RSPO4: variants seen among roughly 807,000 people sequenced by gnomAD.
RSPO4 encodes R-spondin 4, also known as R-spondin-4.
Under a neutral mutation model 24.8 loss-of-function variants are expected in RSPO4, and 23 were observed. The ratio of observed to expected loss-of-function variants is 0.93; its 90% CI spans 0.67 to 1.31. The LOEUF (loss-of-function observed/expected upper bound fraction) is 1.31. RSPO4 is among the 40% of genes most tolerant of loss of function. The pLI, the probability that RSPO4 is intolerant of heterozygous loss-of-function variation, is 0.00. For synonymous variants in RSPO4, 141 were observed against 127.4 expected, an observed-to-expected ratio of 1.11 and a Z score of -0.72; for missense variants, 333 against 316.5, an observed-to-expected ratio of 1.05 and a Z score of -0.39.
chr20:980,219 C>A (rs1375919039), intron 1 of RSPO4, among the ~76,000 whole-genome samples: 1 of 152,090 alleles, frequency 6.6e-6, no homozygotes, highest in Non-Finnish European at 1.5e-5. Context: ...TGACTCTGAA[C>A]CTGAGGGTTA....
At chr20:960,578 C>T (rs1983960755) in intron 4 of RSPO4, 112 bp from the exon 5 acceptor site, 11 of 786,716 alleles carry the variant, frequency 1.4e-5, no homozygotes, top group Non-Finnish European at 2.2e-5. Flanking sequence ...AACAACGGGG[C>T]TCAGAACATT....
intron 1 of RSPO4, among the ~76,000 whole-genome samples, chr20:993,040 T>C (rs115778017): frequency 8.0e-4 from 122 of 152,228 alleles, no homozygotes; most frequent in African/African-American, 2.9e-3. Flanking sequence ...TGACATTCCT[T>C]CTCTTCATGT....
chr20:1,000,313 A>G (rs1192354094), intron 1 of RSPO4, among the ~76,000 whole-genome samples: 1 of 152,204 alleles, frequency 6.6e-6, no homozygotes, highest in African/African-American at 2.4e-5. Flanking sequence ...ACCTTGGACA[A>G]GTCAGTTTCC....
intron 1 of RSPO4, among the ~76,000 whole-genome samples, chr20:1,000,575 G>A (rs1276718086): frequency 6.6e-6 from 1 of 152,192 alleles, no homozygotes; most frequent in Middle Eastern, 3.2e-3. Context: ...GTTTAGAATG[G>A]AGAAAGATCT....
chr20:961,002 G>T (rs1158572431), intron 4 of RSPO4, among the ~76,000 whole-genome samples: 4 of 152,202 alleles, frequency 2.6e-5, no homozygotes, highest in Non-Finnish European at 5.9e-5. Context: ...GAGGCAGGTA[G>T]GGTCTGAGCC....
intron 1 of RSPO4, among the ~76,000 whole-genome samples, chr20:974,985 G>A (rs1037643243): frequency 6.6e-6 from 1 of 152,118 alleles, no homozygotes; most frequent in African/African-American, 2.4e-5. Flanking sequence ...AGAACCTCAC[G>A]GGCTCCTTGA....
intron 1 of RSPO4, among the ~76,000 whole-genome samples, chr20:985,694 C>T (rs1240757952): frequency 1.3e-5 from 2 of 152,192 alleles, no homozygotes; most frequent in South Asian, 2.1e-4. Context: ...TCTTTGTCAC[C>T]CCCATCCCTG....
At position 960,466 on chromosome 20, in the gene RSPO4, T is replaced by C. The variant is rs1983956213; in HGVS notation, c.596A>G (p.Glu199Gly). 4 of 1,538,188 alleles carry C rather than the reference T, an allele frequency of 2.6e-6. No homozygotes were observed. Among genetic ancestry groups the C allele is most frequent in the Non-Finnish European group, 3.5e-6 (4 of 1,146,152 alleles). ...GCCCTTCTTCTGGCCGGGGCTCCTC[T>C]CTGCAATGAGAGGACAGAGCCCGGT... Reference protein sequence around the residue: ...KCPIQRPCPGERSPGQKKGRK... With the variant: ...KCPIQRPCPGGRSPGQKKGRK... Residue 199 changes from glutamate to glycine, a missense_variant and splice_region_variant, in exon 5 of 5, where the codon GAG (glutamate) becomes GGG (glycine). Glu to Gly is a moderately conservative substitution (Grantham distance 98, BLOSUM62 -2). Coordinates refer to ENST00000217260, the MANE Select transcript of RSPO4 (RefSeq NM_001029871.4).
intron 1 of RSPO4, among the ~76,000 whole-genome samples, chr20:994,243 T>C (rs1250324754): frequency 6.6e-6 from 1 of 152,230 alleles, no homozygotes; most frequent in Non-Finnish European, 1.5e-5. Flanking sequence ...AAATATGTTT[T>C]GGGGAACATA....
Position 960,330 on chromosome 20 carries a change from G to C in RSPO4, c.*27C>G. The C allele has an allele frequency of 6.7e-7, 1 of 1,482,146 alleles. No individual in the cohort carries two copies. Among genetic ancestry groups the C allele is most frequent in the South Asian group, 1.2e-5 (1 of 82,908 alleles). The allele number at this position is 1,482,146 out of a possible 1,614,324, so 91.8% of individuals were successfully genotyped here. A position where few individuals can be genotyped will look rare whatever the true frequency, so the allele number is the denominator to read the frequency against. ...GGAGGTGTGCAGGGGCCGAGGACTA[G>C]GACCAGAGAGTCGGGAGAGCCGGCG... On this transcript the variant is annotated 3_prime_UTR_variant, in exon 5 of 5. Transcript: ENST00000217260.
intron 1 of RSPO4, among the ~76,000 whole-genome samples, chr20:974,412 A>T (rs1203836525): frequency 1.3e-5 from 2 of 152,320 alleles, no homozygotes; most frequent in South Asian, 2.1e-4. Flanking sequence ...GGCGATCTGC[A>T]GGTGGGAGGG....
intron 1 of RSPO4, among the ~76,000 whole-genome samples, chr20:992,036 C>G (rs113883385): frequency 0.024 from 3,701 of 151,754 alleles, 68 homozygotes; most frequent in Middle Eastern, 0.12. Context: ...TGAGAGGGGA[C>G]GAGGAAGTAA....
At chr20:988,708 G>A (rs978009867) in intron 1 of RSPO4, among the ~76,000 whole-genome samples, 6 of 152,030 alleles carry the variant, frequency 3.9e-5, no homozygotes, top group African/African-American at 1.4e-4. Flanking sequence ...CCACCACCAT[G>A]CCTGGCTAAT....
rs537819758 is a variant in RSPO4 at position 998,985 on chromosome 20, CTT to C, written c.79+3099_79+3100del. Among the ~76,000 whole-genome samples the C allele has an allele frequency of 1.6e-3, 212 of 131,794 alleles. 1 individual carries two copies. The highest frequency in any genetic ancestry group is 4.0e-3 in the Middle Eastern group (1 of 252). 86.5% of individuals were successfully genotyped at this position (131,794 alleles called of 152,430 possible). On this transcript the variant is annotated intron_variant, in intron 1 of 4. Coordinates refer to ENST00000217260, the MANE Select transcript of RSPO4 (RefSeq NM_001029871.4). ...GGGAAAGGTCACTCTCTCTCGCTCT[CTT>C]TTTTTTTTTTTTTTTTTGAGACAGG...
At chr20:999,185 C>T (rs1467622809) in intron 1 of RSPO4, among the ~76,000 whole-genome samples, 1 of 151,896 alleles carries the variant, frequency 6.6e-6, no homozygotes, top group Non-Finnish European at 1.5e-5. Context: ...TTTATAGAGA[C>T]AAAAAATGTA....
At chr20:983,659 A>G (rs1254806294) in intron 1 of RSPO4, among the ~76,000 whole-genome samples, 16 of 152,234 alleles carry the variant, frequency 1.1e-4, no homozygotes, top group Admixed American at 1.0e-3. Flanking sequence ...TCCCGTCTGT[A>G]AATGGGGATA....
intron 1 of RSPO4, among the ~76,000 whole-genome samples, chr20:984,830 G>A (rs1371307075): frequency 2.6e-5 from 4 of 151,940 alleles, no homozygotes; most frequent in South Asian, 2.1e-4. Flanking sequence ...GTTTCTAAAG[G>A]CCCACTGTTC....
intron 2 of RSPO4, 152 bp downstream of exon 2, chr20:967,798 G>A (rs760856966): frequency 3.6e-6 from 3 of 824,916 alleles, no homozygotes; most frequent in South Asian, 1.4e-5. Context: ...CTCGGGCTGC[G>A]GAGTCAGCCT....
At chr20:999,304 C>G (rs535204421) in intron 1 of RSPO4, among the ~76,000 whole-genome samples, 1 of 152,158 alleles carries the variant, frequency 6.6e-6, no homozygotes. Flanking sequence ...CTTGAGCCAT[C>G]GCACCTGGGT....
Sources: allele counts gnomAD v4.1 joint callset (sites outside exome capture counted in the v4.1 genomes callset), GRCh38; gene constraint gnomAD v4.1.1; transcripts MANE v1.5; gene names NCBI Gene and HGNC (gene_info 2026-07-23, HGNC 2026-07-21).